Variants in UTP20 observed in about 807,000 individuals in gnomAD.
UTP20 encodes small subunit processome component 20 homolog.
In UTP20, 164 loss-of-function variants were observed where a neutral mutation model predicts 329.5. That is an observed-to-expected ratio of 0.50 (90% confidence interval 0.44 to 0.57). UTP20 has a LOEUF of 0.57. Ranked by LOEUF, UTP20 falls within the 20% of genes least tolerant of loss-of-function variation. The pLI is 0.00. For synonymous variants in UTP20, 1,151 were observed against 1,159.3 expected (o/e 0.99, Z 0.14); for missense variants, 3,055 against 3,284.2 (o/e 0.93, Z 1.71).
chr12:101,293,360 T>C, intron 11 of UTP20, 115 bp downstream of exon 11: 2 of 873,246 alleles, frequency 2.3e-6, no homozygotes, highest in South Asian at 3.1e-5. Context: ...GGATAAGTGC[T>C]TGATGTTTTA....
Position 101,327,126 on chromosome 12 carries a change from G to C in UTP20, c.3087G>C (p.Gln1029His). Residue 1029 changes from glutamine (Q) to histidine (H), a missense_variant, in exon 26 of 62, where the codon CAG (glutamine) becomes CAC (histidine). This residue lies in a region of UTP20 where 2,445 missense variants were observed against 2,575.5 expected (regional missense o/e 0.95). Transcript: ENST00000261637. Reference protein sequence around the residue: ...RMKNKTGSKTQGKSASGTRMA... With the variant: ...RMKNKTGSKTHGKSASGTRMA... ...AGAATAAGACTGGGAGTAAAACTCAGGGGAAATCTGCTTCAGGCACCCGCA... is the reference window on the plus strand; with the variant it reads ...AGAATAAGACTGGGAGTAAAACTCACGGGAAATCTGCTTCAGGCACCCGCA... 6.2e-7 allele frequency: 1 copy of C among 1,612,642 alleles called. No individual in the cohort carries two copies. Among genetic ancestry groups the C allele is most frequent in the Non-Finnish European group, 8.5e-7 (1 of 1,178,798 alleles).
chr12:101,283,073 G>A (rs1026698884), intron 2 of UTP20, among the ~76,000 whole-genome samples: 3 of 152,208 alleles, frequency 2.0e-5, no homozygotes, highest in African/African-American at 7.2e-5. Flanking sequence ...AAATGATAGT[G>A]TCCAAAAGAT....
In UTP20 at chr12:101,385,573, G is replaced by A; in HGVS notation, c.8057-10G>A. 6.2e-7 allele frequency: 1 copy of A among 1,606,374 alleles called. No homozygotes were observed. Among genetic ancestry groups the A allele is most frequent in the Non-Finnish European group, 8.5e-7 (1 of 1,178,490 alleles). ...CCTGTCTCTGATCATTACTCTTTGT[G>A]TGTGATTAGATCCTTTGCTGAAGAA... is the stretch of plus-strand genomic sequence containing the variant. On this transcript the variant is annotated splice_polypyrimidine_tract_variant and intron_variant, in intron 60 of 61. Transcript: ENST00000261637.
intron 14 of UTP20, among the ~76,000 whole-genome samples, chr12:101,301,607 G>A (rs1872524066): frequency 6.6e-6 from 1 of 152,178 alleles, no homozygotes; most frequent in South Asian, 2.1e-4. Flanking sequence ...AGTGGAGGTT[G>A]CAGTGAGCCG....
intron 20 of UTP20, 49 bp downstream of exon 20, chr12:101,311,847 CTG>C (rs1841614399): frequency 1.3e-6 from 2 of 1,580,498 alleles, no homozygotes; most frequent in African/African-American, 2.7e-5. Context: ...GGTTGTTTAA[CTG>C]TTTTGTTTTT....
intron 58 of UTP20, among the ~76,000 whole-genome samples, chr12:101,382,048 A>G (rs1003255403): frequency 2.5e-4 from 38 of 151,076 alleles, no homozygotes; most frequent in Admixed American, 4.0e-4. Flanking sequence ...AGAGAGAAAT[A>G]GTTATTTCTA....
Position 101,385,710 on chromosome 12 carries a change from A to G in UTP20, c.8184A>G (p.Lys2728=). 3 of 1,611,422 alleles carry G rather than the reference A, an allele frequency of 1.9e-6. No individual in the cohort carries two copies. Among genetic ancestry groups the G allele is most frequent in the Non-Finnish European group, 2.5e-6 (3 of 1,179,546 alleles). The part of the protein sequence containing the change: ...KQANEKRALR[K]KRKALEFVTN... ...CTAATGAGAAAAGGGCACTCCGGAAAAAGAGGAAGGCCCTGGAGGTAAGTT... is the reference window on the plus strand; with the variant it reads ...CTAATGAGAAAAGGGCACTCCGGAAGAAGAGGAAGGCCCTGGAGGTAAGTT... The change falls in exon 61 of 62, where the codon AAA becomes AAG. Residue 2728 remains lysine (K), a synonymous_variant. Transcript: ENST00000261637.
rs780424379 is a variant in UTP20, at chr12:101,381,189, T to G, written c.7634T>G (p.Leu2545Trp). The G allele has an allele frequency of 1.2e-5, 19 of 1,613,830 alleles. No homozygotes were observed. The African/African-American group carries it at 2.3e-4, about 19-fold the overall frequency. ...TGCCATCAATTGCATTCCAAATTCT[T>G]GGATCAGTCTCTAGGAGAACAGGTA... ...ASCHQLHSKF[L>W]DQSLGEQVVK... The change falls in exon 58 of 62, where the codon TTG becomes TGG. Residue 2545 changes from leucine (L) to tryptophan (W), a missense_variant. By Grantham distance (61) the Leu-to-Trp change is moderately conservative. Transcript: ENST00000261637.
At chr12:101,339,978 A>C (rs1370626229) in intron 31 of UTP20, among the ~76,000 whole-genome samples, 1 of 152,192 alleles carries the variant, frequency 6.6e-6, no homozygotes, top group Non-Finnish European at 1.5e-5. Flanking sequence ...ATCCCAGGCT[A>C]TGTAGTAGTA....
In UTP20 at chr12:101,373,630, C is replaced by T. The variant is rs1344183468; in HGVS notation, c.6994C>T (p.Leu2332=). 1 of 1,613,118 alleles carries T rather than the reference C, an allele frequency of 6.2e-7. No individual in the cohort carries two copies. Among genetic ancestry groups the T allele is most frequent in the Admixed American group, 1.7e-5 (1 of 59,656 alleles). Residue 2332 remains leucine (L), a synonymous_variant, in exon 54 of 62, where the codon CTA becomes TTA. Transcript: ENST00000261637. Reference sequence around the variant, plus strand: ...CGGAATGTTCTTTATCCCTCTTTGTCTAATGACGATCAATGATGACTCTGC... The same window carrying T: ...CGGAATGTTCTTTATCCCTCTTTGTTTAATGACGATCAATGATGACTCTGC... ...NCGMFFIPLC[L]MTINDDSATC...
intron 24 of UTP20, among the ~76,000 whole-genome samples, chr12:101,321,256 T>C (rs1868367149): frequency 6.6e-6 from 1 of 152,220 alleles, no homozygotes; most frequent in African/African-American, 2.4e-5. Context: ...GAAAGCTTTT[T>C]GTATCATGCT....
chr12:101,333,854 G>T (rs1868842235), intron 28 of UTP20, among the ~76,000 whole-genome samples: 1 of 152,170 alleles, frequency 6.6e-6, no homozygotes. Context: ...AGTAGAGATG[G>T]AGTTTCGCCA....
At chr12:101,304,363 C>T (rs1872599260) in intron 15 of UTP20, among the ~76,000 whole-genome samples, 1 of 152,186 alleles carries the variant, frequency 6.6e-6, no homozygotes, top group Non-Finnish European at 1.5e-5. Context: ...ATAGAAATCT[C>T]ACCTTGTAGA....
intron 60 of UTP20, among the ~76,000 whole-genome samples, chr12:101,384,435 GGAGGCT>G (rs1272727185): frequency 1.3e-5 from 2 of 152,150 alleles, no homozygotes; most frequent in Non-Finnish European, 2.9e-5. Flanking sequence ...CAGCTACTTA[GGAGGCT>G]GAGGTGGGGG....
chr12:101,345,496 A>G (rs1593441683), intron 36 of UTP20, 58 bp from the exon 37 acceptor site: 1 of 1,104,266 alleles, frequency 9.1e-7, no homozygotes, highest in Non-Finnish European at 1.2e-6. Context: ...CTGTTTCCTC[A>G]TATTAGAAAC....
intron 38 of UTP20, 151 bp downstream of exon 38, chr12:101,346,739 C>A: frequency 1.3e-6 from 1 of 764,390 alleles, no homozygotes; most frequent in Non-Finnish European, 1.9e-6. Context: ...CTGTGTCTGA[C>A]ACATAGTAAA....
chr12:101,296,749 A>AAAAAT (rs949452956), intron 12 of UTP20, among the ~76,000 whole-genome samples: 7 of 152,062 alleles, frequency 4.6e-5, no homozygotes, highest in East Asian at 1.9e-4. Context: ...CTCTATCTCA[A>AAAAAT]AAAATAAAAT....
chr12:101,370,111 T>C (rs1870236530), intron 49 of UTP20, among the ~76,000 whole-genome samples: 1 of 151,772 alleles, frequency 6.6e-6, no homozygotes, highest in African/African-American at 2.4e-5. Context: ...TCCCAGCTAC[T>C]TGGGATGCTG....
intron 7 of UTP20, 107 bp from the exon 8 acceptor site, chr12:101,290,626 C>T: frequency 1.5e-6 from 2 of 1,295,414 alleles, no homozygotes; most frequent in South Asian, 3.4e-5. Flanking sequence ...CTTGACTATT[C>T]CAGACCTGAT....
Sources: gnomAD v4.1 joint callset for allele counts (sites outside exome capture counted in the v4.1 genomes callset) on GRCh38, gnomAD v4.1.1 for gene constraint, gnomAD v4.1.1 regional missense constraint, MANE v1.5 for transcripts, NCBI Gene and HGNC (gene_info 2026-07-23, HGNC 2026-07-21) for gene names.